The following TCF4 variants were observed in gnomAD, a reference collection of about 807,000 sequenced individuals.
The protein encoded by TCF4 is SL3-3 enhancer factor 2.
A neutral mutation model predicts 82.1 loss-of-function variants in TCF4; 3 were observed. The observed-to-expected ratio is 0.04, with a 90% CI of 0.02 to 0.09. The LOEUF (loss-of-function observed/expected upper bound fraction) is 0.09. Among genes scored for constraint, TCF4 ranks in the 10% least tolerant of loss-of-function variants. The pLI is 1.00. For synonymous variants in TCF4, 276 were observed against 309.6 expected (o/e 0.89, Z 1.14); for missense variants, 518 against 852.7 (o/e 0.61, Z 4.89).
At chr18:55,465,930 A>G (rs557630150) in intron 3 of TCF4, among the ~76,000 whole-genome samples, 1 of 152,304 alleles carries the variant, frequency 6.6e-6, no homozygotes, top group Non-Finnish European at 1.5e-5. Flanking sequence ...GAATCCCTAT[A>G]AGTACCATAA....
At chr18:55,499,778 G>A (rs1480602468) in intron 3 of TCF4, among the ~76,000 whole-genome samples, 1 of 152,212 alleles carries the variant, frequency 6.6e-6, no homozygotes, top group African/African-American at 2.4e-5. Flanking sequence ...AAGCCCGGCT[G>A]GCTATCTGAA....
upstream of TCF4, among the ~76,000 whole-genome samples, chr18:55,592,304 C>T (rs1379490849): frequency 1.3e-5 from 2 of 152,154 alleles, no homozygotes; most frequent in East Asian, 3.9e-4. Context: ...ATTTGTTTTT[C>T]ACACCCCTGG....
At chr18:55,503,736 C>CAT (rs1303130903) in intron 3 of TCF4, among the ~76,000 whole-genome samples, 3 of 152,184 alleles carry the variant, frequency 2.0e-5, no homozygotes, top group Non-Finnish European at 2.9e-5. Flanking sequence ...GACTTAACAA[C>CAT]ATACAGGAGG....
intron 8 of TCF4, among the ~76,000 whole-genome samples, chr18:55,347,566 CG>C (rs1325534745): frequency 6.6e-6 from 1 of 152,124 alleles, no homozygotes; most frequent in Non-Finnish European, 1.5e-5. Context: ...GCCAGGCCTA[CG>C]TTTTCTCTCT....
chr18:55,587,021 T>C (rs776383415), intron 2 of TCF4, 24 bp downstream of exon 2: 1 of 1,606,454 alleles, frequency 6.2e-7, no homozygotes, highest in Admixed American at 1.7e-5. Flanking sequence ...ACAGCTGTTG[T>C]TAGTTTCCAC....
At chr18:55,451,751 C>T (rs1409952378) in intron 5 of TCF4, among the ~76,000 whole-genome samples, 1 of 152,152 alleles carries the variant, frequency 6.6e-6, no homozygotes, top group Non-Finnish European at 1.5e-5. Flanking sequence ...CACCCAAGAT[C>T]CAGTCCAGAA....
At chr18:55,320,344 TAAAAA>T (rs970169481) in intron 8 of TCF4, among the ~76,000 whole-genome samples, 2 of 152,184 alleles carry the variant, frequency 1.3e-5, no homozygotes, top group Admixed American at 6.5e-5. Flanking sequence ...TTAAAAAAGA[TAAAAA>T]TAGGATAGCG....
chr18:55,406,058 C>T (rs577621482), intron 5 of TCF4, among the ~76,000 whole-genome samples: 95 of 151,524 alleles, frequency 6.3e-4, no homozygotes, highest in Non-Finnish European at 1.0e-3. Context: ...GGGCACCCGT[C>T]CAGGGCTCTG....
At chr18:55,470,993 A>G (rs1480882327) in intron 3 of TCF4, among the ~76,000 whole-genome samples, 2 of 152,146 alleles carry the variant, frequency 1.3e-5, no homozygotes, top group East Asian at 1.9e-4. Context: ...TGTGGCTCCT[A>G]CTAATTTCCT....
In TCF4 at chr18:55,223,546, G is replaced by A. The variant is rs1438729209; in HGVS notation, c.*4489C>T. ...GGAAACAGGTAATGGCCTTGACCAA[G>A]CTGGGTTTGTTTTTGTCTTGAAGGA... On this transcript the variant is annotated 3_prime_UTR_variant, in exon 20 of 20. Coordinates refer to ENST00000354452, the MANE Select transcript of TCF4 (RefSeq NM_001083962.2). 1 of 152,578 alleles carries A rather than the reference G, an allele frequency of 6.6e-6. No individual in the cohort carries two copies. Among genetic ancestry groups the A allele is most frequent in the Non-Finnish European group, 1.5e-5 (1 of 68,014 alleles). The allele number at this position is 152,578 out of a possible 1,614,324, so 9.5% of individuals were successfully genotyped here. A position where few individuals can be genotyped will look rare whatever the true frequency, so the allele number is the denominator to read the frequency against.
intron 11 of TCF4, 144 bp from the exon 12 acceptor site, chr18:55,261,677 C>A: frequency 1.1e-6 from 1 of 943,068 alleles, no homozygotes; most frequent in South Asian, 1.3e-5. Flanking sequence ...AATTTGTTTG[C>A]TGAGGTAGAT....
In TCF4 at chr18:55,222,320, A is replaced by G. The variant is rs1223708781; in HGVS notation, c.*5715T>C. 1 of 152,202 alleles carries G rather than the reference A, an allele frequency of 6.6e-6. No homozygotes were observed. Among genetic ancestry groups the G allele is most frequent in the African/African-American group, 2.4e-5 (1 of 41,450 alleles). The allele number at this position is 152,202 out of a possible 1,614,324, so 9.4% of individuals were successfully genotyped here. The stretch of plus-strand genomic sequence containing the variant: ...TAGTAGTTATATGATCAAATATAAT[A>G]CTAAAAGACTAAATGCTTGTGGCTC... On this transcript the variant is annotated 3_prime_UTR_variant, in exon 20 of 20. Transcript: ENST00000354452.
At chr18:55,291,228 G>A (rs746650718) in intron 8 of TCF4, among the ~76,000 whole-genome samples, 3 of 152,138 alleles carry the variant, frequency 2.0e-5, no homozygotes, top group Middle Eastern at 3.2e-3. Context: ...GTTAGCACTT[G>A]ACCAGAATAT....
intron 2 of TCF4, among the ~76,000 whole-genome samples, chr18:55,630,877 G>C (rs1328086148): frequency 6.6e-6 from 1 of 152,190 alleles, no homozygotes; most frequent in Non-Finnish European, 1.5e-5. Flanking sequence ...GACTGATGCA[G>C]ATAGGAGCAT....
intron 2 of TCF4, among the ~76,000 whole-genome samples, chr18:55,616,738 A>C (rs919490916): frequency 2.0e-5 from 3 of 151,976 alleles, no homozygotes; most frequent in African/African-American, 7.2e-5. Flanking sequence ...TTGTCCATTT[A>C]TATGTCTCTT....
chr18:55,381,550 T>TGACA (rs2091900072), intron 6 of TCF4, among the ~76,000 whole-genome samples: 1 of 152,248 alleles, frequency 6.6e-6, no homozygotes, highest in Admixed American at 6.5e-5. Flanking sequence ...AAACCACATG[T>TGACA]GACAAGTTGG....
intron 5 of TCF4, among the ~76,000 whole-genome samples, chr18:55,427,471 G>A (rs1237007423): frequency 6.6e-6 from 1 of 152,196 alleles, no homozygotes; most frequent in Non-Finnish European, 1.5e-5. Context: ...GATTAGCAAA[G>A]TGGATCTGAG....
At chr18:55,493,598 TCTC>T (rs2096598045) in intron 3 of TCF4, among the ~76,000 whole-genome samples, 1 of 152,166 alleles carries the variant, frequency 6.6e-6, no homozygotes, top group African/African-American at 2.4e-5. Flanking sequence ...TATTTACACA[TCTC>T]CTTGATAATT....
chr18:55,234,933 A>G (rs1568349428), intron 15 of TCF4, among the ~76,000 whole-genome samples: 1 of 152,156 alleles, frequency 6.6e-6, no homozygotes, highest in Non-Finnish European at 1.5e-5. Flanking sequence ...TAAAACGTCA[A>G]ATTGCCTCCC....
Sources: gnomAD v4.1 joint callset for allele counts (sites outside exome capture counted in the v4.1 genomes callset) on GRCh38, gnomAD v4.1.1 for gene constraint, MANE v1.5 for transcripts, NCBI Gene and HGNC (gene_info 2026-07-23, HGNC 2026-07-21) for gene names.